ADGRL2: variants seen among roughly 807,000 people sequenced by gnomAD.
The protein encoded by ADGRL2 is calcium-independent alpha-latrotoxin receptor 2.
Under a neutral mutation model 157.4 loss-of-function variants are expected in ADGRL2, and 44 were observed. The ratio of observed to expected loss-of-function variants is 0.28; its 90% confidence interval spans 0.22 to 0.36. ADGRL2 has a LOEUF of 0.36. Ranked by LOEUF, ADGRL2 falls within the 10% of genes least tolerant of loss-of-function variation. The pLI is 1.00. For missense variants in ADGRL2, 1,510 were observed against 1,768.9 expected (o/e 0.85, Z 2.63); for synonymous variants, 585 against 624.7 (o/e 0.94, Z 0.95).
At chr1:81,869,392 A>G (rs868014733) in intron 2 of ADGRL2, among the ~76,000 whole-genome samples, 7 of 152,158 alleles carry the variant, frequency 4.6e-5, no homozygotes, top group Non-Finnish European at 8.8e-5. Context: ...ACTTTAAACT[A>G]CAGTATAAAG....
upstream of ADGRL2, among the ~76,000 whole-genome samples, chr1:81,698,182 C>T (rs192546540): frequency 1.6e-3 from 247 of 152,076 alleles, no homozygotes; most frequent in African/African-American, 4.5e-3. Flanking sequence ...AAAGCTCATA[C>T]CAAAGAATAG....
chr1:81,889,609 G>A (rs778022825), intron 2 of ADGRL2, among the ~76,000 whole-genome samples: 3 of 152,208 alleles, frequency 2.0e-5, no homozygotes, highest in Non-Finnish European at 4.4e-5. Context: ...TATAGAAGCT[G>A]CAGCAAGTTA....
chr1:81,901,928 G>T (rs1281056423), intron 2 of ADGRL2, among the ~76,000 whole-genome samples: 3 of 152,130 alleles, frequency 2.0e-5, no homozygotes. Flanking sequence ...CCAAGATTAA[G>T]GACATGCCCG....
At chr1:81,722,599 G>A in intron 1 of ADGRL2, 2 of 1,449,012 alleles carry the variant, frequency 1.4e-6, no homozygotes. Context: ...GGAAGATGTA[G>A]CCCATGATCT....
intron 1 of ADGRL2, among the ~76,000 whole-genome samples, chr1:81,725,251 C>G (rs1222488422): frequency 1.4e-5 from 2 of 142,754 alleles, no homozygotes; most frequent in Admixed American, 1.4e-4. Flanking sequence ...CATAAACTTG[C>G]ATTTGACGCC....
chr1:81,990,201 C>T (rs1664309963), intron 23 of ADGRL2, 190 bp from the exon 24 acceptor site: 1 of 985,108 alleles, frequency 1.0e-6, no homozygotes, highest in East Asian at 1.1e-4. Context: ...ATTTTTAACA[C>T]TTTTTCCTGT....
chr1:81,628,898 A>T (rs2081959875), intron 3 of ADGRL2, among the ~76,000 whole-genome samples: 1 of 152,236 alleles, frequency 6.6e-6, no homozygotes, highest in South Asian at 2.1e-4. Context: ...ATGACAAGAA[A>T]TAATGTGATT....
At chr1:81,503,082 G>T in intron 2 of ADGRL2, 2 of 1,609,394 alleles carry the variant, frequency 1.2e-6, no homozygotes, top group Non-Finnish European at 1.7e-6. Context: ...AGTCAGGGGA[G>T]CCTGCTGAGA....
At chr1:81,542,280 A>T (rs533376599) in intron 2 of ADGRL2, among the ~76,000 whole-genome samples, 1 of 152,304 alleles carries the variant, frequency 6.6e-6, no homozygotes, top group East Asian at 1.9e-4. Context: ...GAGGAAAGTA[A>T]AAGGATGCCA....
At chr1:81,899,222 A>G (rs902993401) in intron 2 of ADGRL2, among the ~76,000 whole-genome samples, 3 of 152,236 alleles carry the variant, frequency 2.0e-5, no homozygotes, top group African/African-American at 4.8e-5. Flanking sequence ...TTCCTCAACA[A>G]GCACTTAAAG....
intron 1 of ADGRL2, among the ~76,000 whole-genome samples, chr1:81,338,469 A>G (rs1327600): frequency 0.21 from 31,786 of 152,088 alleles, 3,437 homozygotes; most frequent in Admixed American, 0.27. Context: ...CTAGGATATT[A>G]ACTGATACCA....
intron 3 of ADGRL2, among the ~76,000 whole-genome samples, chr1:81,924,051 T>C (rs1414282388): frequency 6.6e-6 from 1 of 152,196 alleles, no homozygotes; most frequent in Admixed American, 6.5e-5. Flanking sequence ...AAAAGACTAC[T>C]TCCGATTCAG....
chr1:81,930,999 A>G (rs2148629), intron 3 of ADGRL2, among the ~76,000 whole-genome samples: 38,765 of 152,070 alleles, frequency 0.25, 5,323 homozygotes, highest in Middle Eastern at 0.36. Flanking sequence ...AAAAATAAAA[A>G]TTAGCCAGGC....
At chr1:81,314,597 T>C (rs1217149482) in intron 1 of ADGRL2, among the ~76,000 whole-genome samples, 1 of 152,206 alleles carries the variant, frequency 6.6e-6, no homozygotes, top group African/African-American at 2.4e-5. Flanking sequence ...CATGCTTCCT[T>C]TATTCTTTAA....
At chr1:81,479,238 C>T (rs894308124) in intron 2 of ADGRL2, among the ~76,000 whole-genome samples, 15 of 150,292 alleles carry the variant, frequency 1.0e-4, no homozygotes, top group African/African-American at 3.4e-4. Flanking sequence ...TTTGGGAGGC[C>T]GAGATGGGTG....
chr1:81,703,668 A>C (rs1194273669), intron 1 of ADGRL2, among the ~76,000 whole-genome samples: 2 of 152,214 alleles, frequency 1.3e-5, no homozygotes, highest in African/African-American at 4.8e-5. Flanking sequence ...ATGTAAAACA[A>C]TTTACAATGA....
chr1:81,586,650 C>G (rs142167144), intron 3 of ADGRL2, among the ~76,000 whole-genome samples: 1,993 of 152,132 alleles, frequency 0.013, 16 homozygotes, highest in Middle Eastern at 0.031. Context: ...TAAAAAGCAT[C>G]ACTTTCGGCT....
At chr1:81,746,430 C>G (rs750947200) in intron 1 of ADGRL2, among the ~76,000 whole-genome samples, 5 of 152,074 alleles carry the variant, frequency 3.3e-5, no homozygotes, top group African/African-American at 7.2e-5. Flanking sequence ...GCTGGGACTA[C>G]AGATGCCCAC....
chr1:81,764,513 C>A (rs11163358), intron 2 of ADGRL2, among the ~76,000 whole-genome samples: 47,794 of 151,914 alleles, frequency 0.31, 8,716 homozygotes, highest in East Asian at 0.77. Context: ...CCAAGTTTTT[C>A]TTTCCATCAT....
Sources: allele counts gnomAD v4.1 joint callset (sites outside exome capture counted in the v4.1 genomes callset), GRCh38; gene constraint gnomAD v4.1.1; transcripts MANE v1.5; gene names NCBI Gene and HGNC (gene_info 2026-07-23, HGNC 2026-07-21).